Variants in DMD observed in about 807,000 individuals in gnomAD.
DMD encodes the protein mutant dystrophin.
DMD carries 63 observed loss-of-function variants against 330.1 expected under a neutral mutation model. The observed-to-expected ratio is 0.19, with a 90% confidence interval of 0.16 to 0.24. DMD has a LOEUF of 0.24. Ranked by LOEUF, DMD falls within the 10% of genes least tolerant of loss-of-function variation. DMD has a pLI of 1.00. For synonymous variants in DMD, 1,223 were observed against 959.8 expected (o/e 1.27, Z -5.07); for missense variants, 3,344 against 2,684.1 (o/e 1.25, Z -5.43).
rs148244615 is a variant in DMD, at chrX:32,695,364, G to T, written c.960+2506C>A. ...ATAAAAGCTAATATGGAAAATTTTG[G>T]GGCACCTGTGTGGGAGAACGAGTGA... On this transcript the variant is annotated intron_variant, in intron 9 of 78. Coordinates refer to ENST00000357033, the MANE Select transcript of DMD (RefSeq NM_004006.3). Among the ~76,000 whole-genome samples, 91 of 111,820 alleles carry T rather than the reference G, an allele frequency of 8.1e-4. 1 individual carries two copies. The highest frequency in any genetic ancestry group is 1.7e-3 in the Admixed American group (18 of 10,531).
Position 31,126,636 on chromosome X carries a change from A to T in DMD, c.11046+6T>A. The stretch of plus-strand genomic sequence containing the variant: ...AGCCATGGCCGTGAGCCTGAATCTC[A>T]CTAACCTCTCTCATTGGCTTTCCAG... On this transcript the variant is annotated splice_donor_region_variant and intron_variant, in intron 78 of 78. Transcript: ENST00000357033. The T allele has an allele frequency of 8.4e-7, 1 of 1,194,350 alleles. No homozygotes were observed. The highest frequency in any genetic ancestry group is 1.1e-6 in the Non-Finnish European group (1 of 879,873).
intron 52 of DMD, among the ~76,000 whole-genome samples, chrX:31,696,178 T>C (rs771960510): frequency 8.9e-5 from 10 of 111,954 alleles, no homozygotes; most frequent in Admixed American, 7.6e-4. Flanking sequence ...AGACTGTTGA[T>C]AGCATGGCTA....
At chrX:32,484,136 C>CT (rs1442582862) in intron 21 of DMD, among the ~76,000 whole-genome samples, 2 of 111,039 alleles carry the variant, frequency 1.8e-5, no homozygotes, top group Admixed American at 9.6e-5. Context: ...TCAATAATTC[C>CT]TTTTGTGTGC....
chrX:32,890,780 C>A (rs893520936), intron 2 of DMD, among the ~76,000 whole-genome samples: 1 of 111,795 alleles, frequency 8.9e-6, no homozygotes, highest in African/African-American at 3.3e-5. Flanking sequence ...ATGGGACTAG[C>A]ATAACTGAGG....
intron 50 of DMD, among the ~76,000 whole-genome samples, chrX:31,795,044 T>C (rs768407102): frequency 1.3e-3 from 148 of 111,977 alleles, no homozygotes; most frequent in African/African-American, 4.7e-3. Flanking sequence ...ATGGAGTGAA[T>C]ATTGTTGGTG....
At chrX:32,001,957 T>C (rs187671375) in intron 44 of DMD, among the ~76,000 whole-genome samples, 21 of 111,787 alleles carry the variant, frequency 1.9e-4, no homozygotes, top group African/African-American at 6.8e-4. Flanking sequence ...CCAAGCAATT[T>C]GGTATGTGCA....
At chrX:32,935,149 C>A (rs973901199) in intron 2 of DMD, among the ~76,000 whole-genome samples, 1 of 112,520 alleles carries the variant, frequency 8.9e-6, no homozygotes, top group East Asian at 2.8e-4. Context: ...CCGCTAATTT[C>A]TTGTATTTTT....
At chrX:32,695,977 G>T (rs1237966143) in intron 9 of DMD, among the ~76,000 whole-genome samples, 1 of 111,962 alleles carries the variant, frequency 8.9e-6, no homozygotes, top group Non-Finnish European at 1.9e-5. Flanking sequence ...AAAGCCATTT[G>T]TCTCTGTGAT....
In DMD at chrX:32,505,288, T is replaced by A. The variant is rs115188396; in HGVS notation, c.2293-3446A>T. Among the ~76,000 whole-genome samples, 160 of 112,363 alleles carry A rather than the reference T, an allele frequency of 1.4e-3. 1 individual carries two copies. Among genetic ancestry groups the A allele is most frequent in the African/African-American group, 4.8e-3 (150 of 30,959 alleles). ...AGACATATCTGGTAGAGAATTCTTA[T>A]CCGAAATACACAAAGAACTCTTAAA... On this transcript the variant is annotated intron_variant, in intron 18 of 78. Coordinates refer to ENST00000357033, the MANE Select transcript of DMD (RefSeq NM_004006.3).
intron 1 of DMD, among the ~76,000 whole-genome samples, chrX:33,161,575 C>G: frequency 9.0e-6 from 1 of 110,816 alleles, no homozygotes. Flanking sequence ...GGAATCGAGC[C>G]CACCTTTTGC....
At chrX:32,003,564 AAGAT>A in intron 44 of DMD, among the ~76,000 whole-genome samples, 1 of 111,573 alleles carries the variant, frequency 9.0e-6, no homozygotes, top group East Asian at 2.8e-4. Flanking sequence ...AGAGCTATAA[AAGAT>A]AGAATTTGGG....
intron 43 of DMD, among the ~76,000 whole-genome samples, chrX:32,271,556 G>A (rs1429563493): frequency 8.9e-6 from 1 of 112,765 alleles, no homozygotes; most frequent in African/African-American, 3.2e-5. Context: ...AACTTTCATA[G>A]GGTAAACAGA....
At chrX:31,219,114 C>T (rs977222868) in intron 64 of DMD, among the ~76,000 whole-genome samples, 1 of 111,780 alleles carries the variant, frequency 8.9e-6, no homozygotes, top group Non-Finnish European at 1.9e-5. Context: ...TTTACTACTT[C>T]TTCCCCTACC....
chrX:31,341,891 G>GCGCGCGCGCGCGCACACA (rs374298104), intron 61 of DMD, among the ~76,000 whole-genome samples: 3 of 98,876 alleles, frequency 3.0e-5, no homozygotes, highest in African/African-American at 1.1e-4. Context: ...GTGCGCGCGC[G>GCGCGCGCGCGCGCACACA]CACACACACA....
At chrX:32,815,698 C>CA (rs1351231715) in intron 6 of DMD, among the ~76,000 whole-genome samples, 2 of 107,842 alleles carry the variant, frequency 1.9e-5, no homozygotes, top group South Asian at 4.0e-4. Context: ...ACAAGAAAAG[C>CA]AAAAAAAATC....
At chrX:33,179,791 C>T (rs2049887325) in intron 1 of DMD, among the ~76,000 whole-genome samples, 1 of 109,473 alleles carries the variant, frequency 9.1e-6, no homozygotes, top group African/African-American at 3.3e-5. Context: ...AATCAGCATA[C>T]CAAAACTATT....
chrX:31,504,177 G>A (rs756723780), intron 56 of DMD, among the ~76,000 whole-genome samples: 1 of 111,044 alleles, frequency 9.0e-6, no homozygotes, highest in African/African-American at 3.3e-5. Flanking sequence ...TCTTGCAAAT[G>A]TATCAATATG....
intron 55 of DMD, among the ~76,000 whole-genome samples, chrX:31,553,887 T>C (rs891894223): frequency 8.9e-6 from 1 of 112,830 alleles, no homozygotes; most frequent in African/African-American, 3.2e-5. Context: ...GCTGAGAAAT[T>C]TGACTACAGA....
At chrX:32,341,864 T>A (rs189178916) in intron 41 of DMD, among the ~76,000 whole-genome samples, 1 of 111,561 alleles carries the variant, frequency 9.0e-6, no homozygotes, top group Non-Finnish European at 1.9e-5. Context: ...AGATGTATTT[T>A]CATTTTTGAT....
Sources: allele counts gnomAD v4.1 joint callset (sites outside exome capture counted in the v4.1 genomes callset), GRCh38; gene constraint gnomAD v4.1.1; transcripts MANE v1.5; gene names NCBI Gene and HGNC (gene_info 2026-07-23, HGNC 2026-07-21).